The following SLC30A4 variants were observed in gnomAD, a reference collection of about 807,000 sequenced individuals.
SLC30A4 encodes the protein solute carrier family 30 member 4.
Under a neutral mutation model 41.7 loss-of-function variants are expected in SLC30A4, and 20 were observed. The observed-to-expected ratio is 0.48, with a 90% CI of 0.34 to 0.70. SLC30A4 has a LOEUF of 0.70. Ranked by LOEUF, SLC30A4 falls within the 30% of genes least tolerant of loss-of-function variation. SLC30A4 has a pLI of 0.01. For missense variants in SLC30A4, 441 were observed against 529.3 expected (o/e 0.83, Z 1.64); for synonymous variants, 181 against 195.9 (o/e 0.92, Z 0.64).
In SLC30A4 at chr15:45,522,294, G is replaced by T. The variant is rs1191046205; in HGVS notation, c.61C>A (p.Leu21Met). The T allele has an allele frequency of 6.2e-7, 1 of 1,613,994 alleles. No homozygotes were observed. The highest frequency in any genetic ancestry group is 8.5e-7 in the Non-Finnish European group (1 of 1,180,020). ...KSMLRKDDAP[L>M]FLNDTSAFDF... ...AAGGCGCTGGTGTCATTTAAAAACA[G>T]CGGCGCATCATCCTTCCTTAGCATA... is the stretch of plus-strand genomic sequence containing the variant. The change falls in exon 2 of 8, where the codon CTG (leucine) becomes ATG (methionine). Residue 21 changes from leucine (L) to methionine (M), a missense_variant. Leu to Met is a conservative substitution (Grantham distance 15, BLOSUM62 2). Coordinates refer to ENST00000261867, the MANE Select transcript of SLC30A4 (RefSeq NM_013309.6).
At chr15:45,521,936 C>T (rs771945923) in intron 2 of SLC30A4, 28 bp downstream of exon 2, 5 of 1,596,868 alleles carry the variant, frequency 3.1e-6, no homozygotes, top group Admixed American at 1.7e-5. Flanking sequence ...GAAAGGTAAA[C>T]GGAAAGTGAG....
chr15:45,519,141 A>G (rs1366870033), intron 2 of SLC30A4: 1 of 151,234 alleles, frequency 6.6e-6, no homozygotes, highest in Non-Finnish European at 1.5e-5. Flanking sequence ...TTGGCCTCCC[A>G]GAAGTGCTAG....
At chr15:45,490,242 CCA>C (rs1891784910) in intron 4 of SLC30A4, among the ~76,000 whole-genome samples, 1 of 152,064 alleles carries the variant, frequency 6.6e-6, no homozygotes, top group Non-Finnish European at 1.5e-5. Flanking sequence ...TAGGCACGAG[CCA>C]CCGTGCCTGG....
rs1472336800 is a variant in SLC30A4, at chr15:45,482,018, C to T, written c.*3145G>A. On this transcript the variant is annotated 3_prime_UTR_variant, in exon 8 of 8. Coordinates refer to ENST00000261867, the MANE Select transcript of SLC30A4 (RefSeq NM_013309.6). ...GAAGGATTTCTTGAGCCCAGGAGCT[C>T]AAGACCAGCCTGGGCAACATAGGGA... is the stretch of plus-strand genomic sequence containing the variant. 6 of 120,176 alleles carry T rather than the reference C, an allele frequency of 5.0e-5. No individual in the cohort carries two copies. The highest frequency in any genetic ancestry group is 8.1e-5 in the Non-Finnish European group (5 of 61,886). 7.4% of individuals were successfully genotyped at this position (120,176 alleles called of 1,614,324 possible).
intron 3 of SLC30A4, among the ~76,000 whole-genome samples, chr15:45,509,206 T>C (rs1426755505): frequency 6.6e-6 from 1 of 151,834 alleles, no homozygotes; most frequent in Admixed American, 6.6e-5. Flanking sequence ...AATGACTATA[T>C]AATATGTTGA....
chr15:45,485,185 T>C lies in SLC30A4; in HGVS notation c.1268A>G (p.Asn423Ser). The change falls in exon 8 of 8, where the codon AAT becomes AGT. Residue 423 changes from asparagine (N) to serine (S), a missense_variant. Asn to Ser is a conservative substitution (Grantham distance 46). Transcript: ENST00000261867. ...YRQEVDRTCANCQSSSP is the reference protein window; with the variant it reads ...YRQEVDRTCASCQSSSP ...AAATTAGGGACTAGAACTCTGACAA[T>C]TTGCACAAGTTCTGTCCACTTCTTG... is the stretch of plus-strand genomic sequence containing the variant. The C allele has an allele frequency of 6.2e-7, 1 of 1,612,406 alleles. No homozygotes were observed.
chr15:45,502,839 A>T (rs1892067178), intron 3 of SLC30A4: 1 of 152,178 alleles, frequency 6.6e-6, no homozygotes, highest in African/African-American at 2.4e-5. Flanking sequence ...ACAAAAAATT[A>T]AAAAATTAGC....
chr15:45,486,756 T>C lies in SLC30A4; in HGVS notation c.1001-11A>G. Reference sequence around the variant, plus strand: ...AATGGCTTGGCACACCTATTAGGAATATATAATTTCTAAGTAAAATTTATT... The same window carrying C: ...AATGGCTTGGCACACCTATTAGGAACATATAATTTCTAAGTAAAATTTATT... On this transcript the variant is annotated splice_polypyrimidine_tract_variant and intron_variant, in intron 6 of 7. Transcript: ENST00000261867. 1 of 1,419,186 alleles carries C rather than the reference T, an allele frequency of 7.0e-7. No homozygotes were observed. Among genetic ancestry groups the C allele is most frequent in the South Asian group, 1.5e-5 (1 of 66,320 alleles). The allele number at this position is 1,419,186 out of a possible 1,614,324, so 87.9% of individuals were successfully genotyped here.
chr15:45,507,256 G>A (rs1892178181), intron 3 of SLC30A4, among the ~76,000 whole-genome samples: 1 of 151,422 alleles, frequency 6.6e-6, no homozygotes, highest in Admixed American at 6.6e-5. Flanking sequence ...GGAAGTGGAG[G>A]TTGCAGTAAG....
chr15:45,521,197 G>A (rs1428273651), intron 2 of SLC30A4, among the ~76,000 whole-genome samples: 1 of 152,152 alleles, frequency 6.6e-6, no homozygotes, highest in East Asian at 1.9e-4. Flanking sequence ...TAGTTATACT[G>A]ACGTGATTGA....
At chr15:45,487,745 A>G in intron 5 of SLC30A4, 113 bp from the exon 6 acceptor site, 1 of 590,178 alleles carries the variant, frequency 1.7e-6, no homozygotes, top group Admixed American at 2.5e-5. Context: ...AGAATTACAG[A>G]ATACCTTTAA....
In SLC30A4 at chr15:45,486,716, T is replaced by C. The variant is rs201823030; in HGVS notation, c.1030A>G (p.Ile344Val). ...GVPSHLNVDY[I>V]KEALMKIEDV... ...TCTATTTTCATCAAGGCTTCTTTGA[T>C]ATAGTCTACATTCAAATGGCTTGGC... Residue 344 changes from isoleucine to valine, a missense_variant, in exon 7 of 8, where the codon ATC (isoleucine) becomes GTC (valine). Ile to Val is a conservative substitution (Grantham distance 29). Transcript: ENST00000261867. 1,160 of 1,584,606 alleles carry C rather than the reference T, an allele frequency of 7.3e-4. 15 individuals are homozygous for C. The South Asian group carries it at 0.013, about 17-fold the overall frequency.
chr15:45,484,897 A>C lies in SLC30A4; in HGVS notation c.*266T>G. The stretch of plus-strand genomic sequence containing the variant: ...TCAAGTTAATGAAGTATGATCTTGG[A>C]TTGTCTTCTATGAGGTATCTGTAGA... On this transcript the variant is annotated 3_prime_UTR_variant, in exon 8 of 8. Coordinates refer to ENST00000261867, the MANE Select transcript of SLC30A4 (RefSeq NM_013309.6). The C allele has an allele frequency of 5.4e-6, 2 of 371,332 alleles. No individual in the cohort carries two copies. Among genetic ancestry groups the C allele is most frequent in the Non-Finnish European group, 9.6e-6 (2 of 208,600 alleles). 23.0% of individuals were successfully genotyped at this position (371,332 alleles called of 1,614,324 possible).
In SLC30A4 at chr15:45,522,359, G is replaced by A. The variant is rs1212174342; in HGVS notation, c.-5C>T. The A allele has an allele frequency of 3.8e-6, 6 of 1,594,566 alleles. No homozygotes were observed. The Admixed American group carries it at 5.3e-5, about 14-fold the overall frequency. On this transcript the variant is annotated 5_prime_UTR_variant, in exon 2 of 8. Coordinates refer to ENST00000261867, the MANE Select transcript of SLC30A4 (RefSeq NM_013309.6). ...CCACGCGCCAGAGCCGGCCATGGCA[G>A]AGGCTGAGCGGCCGCGGTGCGGAAC...
intron 5 of SLC30A4, 140 bp downstream of exon 5, chr15:45,488,701 A>C (rs1285818965): frequency 3.0e-6 from 2 of 659,662 alleles, no homozygotes; most frequent in Non-Finnish European, 5.2e-6. Context: ...AAGAACTATA[A>C]TGATTGTCAA....
rs1216205960 is a variant in SLC30A4 at position 45,522,368 on chromosome 15, C to T, written c.-14G>A. On this transcript the variant is annotated 5_prime_UTR_variant, in exon 2 of 8. Coordinates refer to ENST00000261867, the MANE Select transcript of SLC30A4 (RefSeq NM_013309.6). Reference sequence around the variant, plus strand: ...AGAGCCGGCCATGGCAGAGGCTGAGCGGCCGCGGTGCGGAACGGCTTGGGG... The same window carrying T: ...AGAGCCGGCCATGGCAGAGGCTGAGTGGCCGCGGTGCGGAACGGCTTGGGG... 1.6e-5 allele frequency: 25 copies of T among 1,589,146 alleles called. No individual in the cohort carries two copies. The highest frequency in any genetic ancestry group is 2.1e-5 in the Non-Finnish European group (25 of 1,169,488).
At chr15:45,491,661 T>G (rs972525446) in intron 3 of SLC30A4, among the ~76,000 whole-genome samples, 8 of 152,150 alleles carry the variant, frequency 5.3e-5, no homozygotes, top group Non-Finnish European at 5.9e-5. Flanking sequence ...AACACCTAAT[T>G]ATCAAGCTCA....
chr15:45,521,877 GGTTAAACCTCAAAGCCTGT>G, intron 2 of SLC30A4, 68 bp downstream of exon 2: 1 of 1,362,214 alleles, frequency 7.3e-7, no homozygotes, highest in Non-Finnish European at 1.0e-6. Context: ...TGAAAAGATG[GGTTAAACCTCAAAGCCTGT>G]GTAACTACAG....
At chr15:45,493,001 G>A (rs1482355226) in intron 3 of SLC30A4, among the ~76,000 whole-genome samples, 3 of 152,238 alleles carry the variant, frequency 2.0e-5, no homozygotes, top group African/African-American at 4.8e-5. Context: ...GCCAGACGCG[G>A]TGGCTTATGC....
Sources: gnomAD v4.1 joint callset for allele counts (sites outside exome capture counted in the v4.1 genomes callset) on GRCh38, gnomAD v4.1.1 for gene constraint, MANE v1.5 for transcripts, NCBI Gene and HGNC (gene_info 2026-07-23, HGNC 2026-07-21) for gene names.